FBXO36: variants seen among roughly 807,000 people sequenced by gnomAD.
FBXO36 encodes F-box protein 36.
In FBXO36, 18 loss-of-function variants were observed where a neutral mutation model predicts 17.0. That is an observed-to-expected ratio of 1.06 (90% CI 0.73 to 1.57). FBXO36 has a LOEUF of 1.57. Among genes scored for constraint, FBXO36 ranks in the 40% most tolerant of loss-of-function variants. FBXO36 has a pLI of 0.00. For missense variants in FBXO36, 229 were observed against 221.9 expected, an observed-to-expected ratio of 1.03 and a Z score of -0.20; for synonymous variants, 83 against 85.3, an observed-to-expected ratio of 0.97 and a Z score of 0.15.
intron 1 of FBXO36, among the ~76,000 whole-genome samples, chr2:229,971,468 A>G (rs1257487946): frequency 3.3e-5 from 5 of 152,194 alleles, no homozygotes; most frequent in Non-Finnish European, 5.9e-5. Context: ...GCCTATGCCC[A>G]TACCAATTGC....
At chr2:229,924,926 G>A (rs1469274750) in intron 1 of FBXO36, among the ~76,000 whole-genome samples, 1 of 151,728 alleles carries the variant, frequency 6.6e-6, no homozygotes, top group Non-Finnish European at 1.5e-5. Context: ...CCGCCACCAC[G>A]CCCGGCTAAT....
rs1195757588 is a variant in FBXO36 at position 230,013,081 on chromosome 2, TAC to T, written c.*2199_*2200del. On this transcript the variant is annotated 3_prime_UTR_variant, in exon 4 of 4. Coordinates refer to ENST00000283946, the MANE Select transcript of FBXO36 (RefSeq NM_174899.5). ...TATTGTTAAATAATAGCTAAAATAA[TAC>T]AGATTATTAAATTATTTTAATACTT... 1 of 151,656 alleles carries T rather than the reference TAC, an allele frequency of 6.6e-6. No individual in the cohort carries two copies. Among genetic ancestry groups the T allele is most frequent in the African/African-American group, 2.4e-5 (1 of 41,434 alleles). 9.4% of individuals were successfully genotyped at this position (151,656 alleles called of 1,614,324 possible).
At position 229,975,676 on chromosome 2, in the gene FBXO36, A is replaced by T. The variant is rs960795877; in HGVS notation, c.97-565A>T. Among the ~76,000 whole-genome samples, 5 of 151,878 alleles carry T rather than the reference A, an allele frequency of 3.3e-5. No individual in the cohort carries two copies. The East Asian group carries it at 9.7e-4, about 29-fold the overall frequency. The stretch of plus-strand genomic sequence containing the variant: ...TTTTTTGTAGAGACAGGGTCTCACT[A>T]TGTTGCCCAAGCTGATCTAGAACTC... On this transcript the variant is annotated intron_variant, in intron 1 of 3. Transcript: ENST00000283946.
intron 1 of FBXO36, among the ~76,000 whole-genome samples, chr2:229,971,613 C>T (rs1027878860): frequency 9.9e-5 from 15 of 152,052 alleles, no homozygotes; most frequent in Admixed American, 2.6e-4. Context: ...GGCAGGTGGG[C>T]AATTGAATTC....
rs200627847 is a variant in FBXO36, at chr2:229,963,361, GC to G, written c.97-12874del. 4.0e-5 allele frequency among the ~76,000 whole-genome samples: 6 copies of G among 151,674 alleles called. No individual in the cohort carries two copies. The East Asian group carries it at 1.2e-3, about 29-fold the overall frequency. ...TTACAGATGTGAGCGACCGTGCCCG[GC>G]CCCCCAGGTTGTTTTTTTTAGCTTT... is the stretch of plus-strand genomic sequence containing the variant. On this transcript the variant is annotated intron_variant, in intron 1 of 3. Transcript: ENST00000283946.
intron 1 of FBXO36, among the ~76,000 whole-genome samples, chr2:229,937,047 C>G (rs962200587): frequency 6.6e-6 from 1 of 152,136 alleles, no homozygotes; most frequent in African/African-American, 2.4e-5. Context: ...CTCACCACCT[C>G]TAAAACGCCC....
intron 1 of FBXO36, among the ~76,000 whole-genome samples, chr2:229,924,021 G>A (rs2076887096): frequency 1.3e-5 from 2 of 151,434 alleles, no homozygotes; most frequent in South Asian, 4.2e-4. Flanking sequence ...TGGGATTACA[G>A]GCGTGAGCCA....
At chr2:229,941,271 C>T (rs546285688) in intron 1 of FBXO36, among the ~76,000 whole-genome samples, 11 of 151,924 alleles carry the variant, frequency 7.2e-5, no homozygotes, top group Admixed American at 1.3e-4. Flanking sequence ...CTGGCTAACA[C>T]GGTGAAACCC....
intron 1 of FBXO36, among the ~76,000 whole-genome samples, chr2:229,956,332 G>A (rs916986509): frequency 1.3e-5 from 2 of 152,100 alleles, no homozygotes; most frequent in African/African-American, 4.8e-5. Flanking sequence ...ACATTGTCGG[G>A]GCAAAGGGAA....
At chr2:229,992,864 T>A (rs769960274) in intron 2 of FBXO36, among the ~76,000 whole-genome samples, 41 of 152,192 alleles carry the variant, frequency 2.7e-4, no homozygotes, top group Non-Finnish European at 4.7e-4. Context: ...CATTCAAGGA[T>A]GGCTTATACA....
At chr2:230,001,278 C>CT (rs1263671969) in intron 3 of FBXO36, among the ~76,000 whole-genome samples, 1 of 151,980 alleles carries the variant, frequency 6.6e-6, no homozygotes, top group Non-Finnish European at 1.5e-5. Flanking sequence ...AAGTTATTTT[C>CT]TTTTTCTTTT....
At chr2:229,935,649 T>C (rs2076960021) in intron 1 of FBXO36, among the ~76,000 whole-genome samples, 1 of 152,224 alleles carries the variant, frequency 6.6e-6, no homozygotes, top group African/African-American at 2.4e-5. Flanking sequence ...TTGTTAACGA[T>C]TCAACTCTGA....
intron 1 of FBXO36, among the ~76,000 whole-genome samples, chr2:229,971,583 G>A (rs1001639785): frequency 6.6e-6 from 1 of 152,126 alleles, no homozygotes; most frequent in African/African-American, 2.4e-5. Context: ...CTATGTGAGA[G>A]GATACTGGAG....
chr2:229,955,884 A>G (rs6757156), intron 1 of FBXO36, among the ~76,000 whole-genome samples: 46,123 of 152,050 alleles, frequency 0.3, 7,233 homozygotes, highest in Middle Eastern at 0.45. Context: ...TATAGACTGT[A>G]GGACCAAATA....
intron 1 of FBXO36, among the ~76,000 whole-genome samples, chr2:229,927,893 C>A (rs1040844754): frequency 6.6e-6 from 1 of 152,132 alleles, no homozygotes; most frequent in Non-Finnish European, 1.5e-5. Context: ...ATCTCAATGA[C>A]TTCTGACAAA....
At chr2:229,970,025 C>A (rs2077173164) in intron 1 of FBXO36, among the ~76,000 whole-genome samples, 1 of 152,062 alleles carries the variant, frequency 6.6e-6, no homozygotes, top group Non-Finnish European at 1.5e-5. Context: ...CTGGTGAGGA[C>A]CCAGAGAAGC....
intron 1 of FBXO36, among the ~76,000 whole-genome samples, chr2:229,927,871 C>A (rs1264386014): frequency 6.6e-6 from 1 of 152,060 alleles, no homozygotes; most frequent in African/African-American, 2.4e-5. Context: ...CAGCCTGTGA[C>A]AGGAAGCTGT....
At chr2:229,983,417 G>A (rs2077251250) in intron 2 of FBXO36, among the ~76,000 whole-genome samples, 1 of 151,740 alleles carries the variant, frequency 6.6e-6, no homozygotes, top group Non-Finnish European at 1.5e-5. Flanking sequence ...TCCCACCTCA[G>A]CCTCCTGAGT....
At chr2:229,965,359 A>G (rs1427385585) in intron 1 of FBXO36, among the ~76,000 whole-genome samples, 1 of 147,606 alleles carries the variant, frequency 6.8e-6, no homozygotes, top group Non-Finnish European at 1.5e-5. Flanking sequence ...TTTTTTATTT[A>G]TTTATTTTTT....
Sources: gnomAD v4.1 joint callset for allele counts (sites outside exome capture counted in the v4.1 genomes callset) on GRCh38, gnomAD v4.1.1 for gene constraint, MANE v1.5 for transcripts, NCBI Gene and HGNC (gene_info 2026-07-23, HGNC 2026-07-21) for gene names.